CPNE7: variants seen among roughly 807,000 people sequenced by gnomAD.
The protein encoded by CPNE7 is copine 7, also known as copine-7.
A neutral mutation model predicts 66.5 loss-of-function variants in CPNE7; 78 were observed. The ratio of observed to expected loss-of-function variants is 1.17; its 90% CI spans 0.98 to 1.42. The LOEUF (loss-of-function observed/expected upper bound fraction) is 1.42, where lower values mean the gene tolerates loss of function less well. Among genes scored for constraint, CPNE7 ranks in the 40% most tolerant of loss-of-function variants. The pLI, the probability that CPNE7 is intolerant of heterozygous loss-of-function variation, is 0.00. For synonymous variants in CPNE7, 468 were observed against 336.7 expected (o/e 1.39, Z -4.27); for missense variants, 1,012 against 776.6 (o/e 1.30, Z -3.60).
intron 9 of CPNE7, chr16:89,587,556 A>G (rs1452245630): frequency 2.2e-6 from 1 of 449,300 alleles, no homozygotes; most frequent in East Asian, 7.1e-5. Context: ...TTAACAACAG[A>G]CAAAACGTGA....
At chr16:89,585,019 C>T (rs1374507375) in intron 5 of CPNE7, among the ~76,000 whole-genome samples, 162 bp downstream of exon 5, 4 of 151,880 alleles carry the variant, frequency 2.6e-5, no homozygotes, top group African/African-American at 7.3e-5. Flanking sequence ...GAGCCGCAGG[C>T]GCAGGGCCCT....
At chr16:89,595,833 G>C in intron 14 of CPNE7, 1 of 668,924 alleles carries the variant, frequency 1.5e-6, no homozygotes. Flanking sequence ...CACAAAAGCA[G>C]AGAACAGCAC....
intron 7 of CPNE7, among the ~76,000 whole-genome samples, chr16:89,586,059 T>TGGGGGTG (rs1368703785): frequency 2.2e-4 from 1 of 4,512 alleles, no homozygotes; most frequent in Non-Finnish European, 4.5e-4. Context: ...GAGGGGCAGG[T>TGGGGGTG]GAGGGGGGCC....
chr16:89,582,441 C>T (rs1360834910), intron 2 of CPNE7, among the ~76,000 whole-genome samples: 1 of 152,238 alleles, frequency 6.6e-6, no homozygotes, highest in East Asian at 1.9e-4. Flanking sequence ...GGGGAGGCCA[C>T]TCCTTTCCTG....
In CPNE7 at chr16:89,588,696, T is replaced by C; in HGVS notation, c.949T>C (p.Ser317Pro). 1 of 1,613,260 alleles carries C rather than the reference T, an allele frequency of 6.2e-7. No homozygotes were observed. The highest frequency in any genetic ancestry group is 1.1e-5 in the South Asian group (1 of 91,084). Residue 317 changes from serine (S) to proline (P), a missense_variant, in exon 10 of 15, where the codon TCC becomes CCC. By Grantham distance (74) the Ser-to-Pro change is moderately conservative. Transcript: ENST00000319518. ...HFTVAIDFTA[S>P]NGDPRNSCSL... ...GCAGGTGGCCATTGACTTCACCGCC[T>C]CCAATGGAGACCCGCGGAACAGCTG...
chr16:89,578,857 C>A (rs2058902025), intron 2 of CPNE7: 1 of 1,610,382 alleles, frequency 6.2e-7, no homozygotes, highest in Middle Eastern at 1.7e-4. Context: ...GCCTCCACAG[C>A]CAGCCCAAAA....
Position 89,586,949 on chromosome 16 carries a change from G to T in CPNE7, c.868-94G>T. Reference sequence around the variant, plus strand: ...GGAGAGGAGGGTGGCACCCCAGAGGGACTGGGCTGCCTGCGGGAGGCAGGC... The same window carrying T: ...GGAGAGGAGGGTGGCACCCCAGAGGTACTGGGCTGCCTGCGGGAGGCAGGC... On this transcript the variant is annotated intron_variant, in intron 8 of 14. Transcript: ENST00000319518. 10 of 1,290,066 alleles carry T rather than the reference G, an allele frequency of 7.8e-6. No homozygotes were observed. The South Asian group carries it at 1.3e-4, about 16-fold the overall frequency. 79.9% of individuals were successfully genotyped at this position (1,290,066 alleles called of 1,614,324 possible). A position where few individuals can be genotyped will look rare whatever the true frequency, so the allele number is the denominator to read the frequency against.
Position 89,584,294 on chromosome 16 carries a change from T to A in CPNE7, c.507+192T>A, listed in dbSNP as rs1282048518. On this transcript the variant is annotated intron_variant, in intron 4 of 14. Transcript: ENST00000319518. The surrounding 1 kb of genome is among the most constrained non-coding windows in gnomAD (Gnocchi z 6.0). ...TCACCGCCATTAGCTCTCCCGCCCCTCCTGGCAGCTGGGCTGGGGCTGGGG... is the reference window on the plus strand; with the variant it reads ...TCACCGCCATTAGCTCTCCCGCCCCACCTGGCAGCTGGGCTGGGGCTGGGG... Among the ~76,000 whole-genome samples, 1 of 152,136 alleles carries A rather than the reference T, an allele frequency of 6.6e-6. No individual in the cohort carries two copies. Among genetic ancestry groups the A allele is most frequent in the Non-Finnish European group, 1.5e-5 (1 of 68,010 alleles).
rs1597686776 is a variant in CPNE7, at chr16:89,575,945, G to T, written c.48G>T (p.Leu16Phe). 7.5e-7 allele frequency: 1 copy of T among 1,334,850 alleles called. No homozygotes were observed. The highest frequency in any genetic ancestry group is 3.1e-5 in the East Asian group (1 of 32,134). 82.7% of individuals were successfully genotyped at this position (1,334,850 alleles called of 1,614,324 possible). The change falls in exon 1 of 15, where the codon TTG (leucine) becomes TTT (phenylalanine). Residue 16 changes from leucine to phenylalanine, a missense_variant. By Grantham distance (22) the Leu-to-Phe change is conservative. Transcript: ENST00000319518. Reference sequence around the variant, plus strand: ...GGGCGGCGGCAACCCCCGGGGGTTTGCCCGCGCCCTGCGCCTCGAAGGTGG... The same window carrying T: ...GGGCGGCGGCAACCCCCGGGGGTTTTCCCGCGCCCTGCGCCTCGAAGGTGG... Reference protein sequence around the residue: ...ERGAAATPGGLPAPCASKVEL... With the variant: ...ERGAAATPGGFPAPCASKVEL...
intron 14 of CPNE7, among the ~76,000 whole-genome samples, chr16:89,596,124 C>T (rs1482452186): frequency 6.6e-6 from 1 of 152,276 alleles, no homozygotes; most frequent in South Asian, 2.1e-4. Flanking sequence ...GGACACGTGA[C>T]ATTCTACGCA....
At chr16:89,590,862 C>T (rs466141) in intron 11 of CPNE7, 145 bp from the exon 12 acceptor site, 52,889 of 559,312 alleles carry the variant, frequency 0.095, 3,128 homozygotes, top group African/African-American at 0.2. Flanking sequence ...CTTTAGTAGG[C>T]GGGGGACATG....
chr16:89,588,914 A>G (rs2059128420), intron 10 of CPNE7, 106 bp downstream of exon 10: 19 of 1,434,810 alleles, frequency 1.3e-5, no homozygotes, highest in Non-Finnish European at 1.7e-5. Context: ...CAGCTATGAC[A>G]GGTGCACCCG....
At chr16:89,580,354 C>A (rs1162646133) in intron 2 of CPNE7, among the ~76,000 whole-genome samples, 1 of 146,428 alleles carries the variant, frequency 6.8e-6, no homozygotes, top group East Asian at 2.1e-4. Context: ...TCCCATCACC[C>A]GTCACACGGA....
chr16:89,587,681 A>G (rs1597708583), intron 9 of CPNE7: 1 of 378,014 alleles, frequency 2.6e-6, no homozygotes, highest in South Asian at 1.8e-5. Context: ...ACCCCGCGTC[A>G]CCCATAGATA....
At chr16:89,577,199 C>G (rs1768144313) in intron 1 of CPNE7, among the ~76,000 whole-genome samples, 1 of 152,204 alleles carries the variant, frequency 6.6e-6, no homozygotes, top group Non-Finnish European at 1.5e-5. Context: ...CGCCCCCTCC[C>G]CACTCAGCTG....
intron 11 of CPNE7, 38 bp from the exon 12 acceptor site, chr16:89,590,969 C>T: frequency 6.2e-7 from 1 of 1,611,934 alleles, no homozygotes; most frequent in Non-Finnish European, 8.5e-7. Context: ...GGGTGTGTTG[C>T]AACGAGCAGC....
At chr16:89,576,788 C>A (rs554996375) in intron 1 of CPNE7, among the ~76,000 whole-genome samples, 1 of 152,218 alleles carries the variant, frequency 6.6e-6, no homozygotes, top group African/African-American at 2.4e-5. Context: ...GCCCGGGCGG[C>A]TGCTCGGGCG....
chr16:89,590,915 C>T, intron 11 of CPNE7, 92 bp from the exon 12 acceptor site: 2 of 1,192,594 alleles, frequency 1.7e-6, no homozygotes, highest in Non-Finnish European at 2.2e-6. Context: ...GACATGGGGG[C>T]TGGGGACGGG....
In CPNE7 at chr16:89,584,010, C is replaced by T. The variant is rs146394111; in HGVS notation, c.433-18C>T. 4,388 of 1,611,316 alleles carry T rather than the reference C, an allele frequency of 2.7e-3. 95 individuals carry two copies. The African/African-American group carries it at 0.052, about 19-fold the overall frequency. On this transcript the variant is annotated intron_variant, in intron 3 of 14. Transcript: ENST00000319518. This position sits in a 1 kb window ranked among gnomAD's most constrained non-coding sequence, Gnocchi z 6.0. ...GCCCCACCTGGCCAAGCCTGGAGCC[C>T]GGGCGTCCCCCTGCCAGGTGATCGC...
Sources: allele counts gnomAD v4.1 joint callset (sites outside exome capture counted in the v4.1 genomes callset), GRCh38; gene constraint gnomAD v4.1.1; non-coding constraint Gnocchi (gnomAD v3.1); transcripts MANE v1.5; gene names NCBI Gene and HGNC (gene_info 2026-07-23, HGNC 2026-07-21).